XRCC4: variants seen among roughly 807,000 people sequenced by gnomAD.
XRCC4 encodes the protein X-ray repair cross complementing 4.
A neutral mutation model predicts 39.1 loss-of-function variants in XRCC4; 28 were observed. The ratio of observed to expected loss-of-function variants is 0.72; its 90% CI spans 0.53 to 0.98. The LOEUF is 0.98. Among genes scored for constraint, XRCC4 ranks in the 50% least tolerant of loss-of-function variants. The pLI is 0.00. For synonymous variants in XRCC4, 123 were observed against 126.4 expected (o/e 0.97, Z 0.18); for missense variants, 350 against 376.4 (o/e 0.93, Z 0.58).
chr5:83,297,215 G>A, intron 7 of XRCC4, among the ~76,000 whole-genome samples: 1 of 151,980 alleles, frequency 6.6e-6, no homozygotes. Flanking sequence ...TAAATATTAT[G>A]TAACAGATCA....
intron 2 of XRCC4, 131 bp from the exon 3 acceptor site, chr5:83,110,897 G>C: frequency 1.2e-6 from 1 of 823,678 alleles, no homozygotes; most frequent in Non-Finnish European, 1.8e-6. Flanking sequence ...AAAATGTGTA[G>C]TATAGGGATT....
intron 3 of XRCC4, among the ~76,000 whole-genome samples, chr5:83,137,813 T>C (rs759727819): frequency 3.9e-5 from 6 of 152,190 alleles, no homozygotes; most frequent in Non-Finnish European, 8.8e-5. Context: ...AAAGTCTTTG[T>C]TGTTAGTATT....
intron 5 of XRCC4, among the ~76,000 whole-genome samples, chr5:83,204,470 G>T (rs1460335967): frequency 6.6e-6 from 1 of 151,916 alleles, no homozygotes; most frequent in African/African-American, 2.4e-5. Context: ...AATGAAATGC[G>T]AACTGTTCTG....
At chr5:83,201,176 A>G (rs1246850018) in intron 4 of XRCC4, 11 of 152,218 alleles carry the variant, frequency 7.2e-5, no homozygotes, top group Admixed American at 6.5e-4. Flanking sequence ...TAAGATGTCA[A>G]TATTAGCCAT....
At chr5:83,107,948 G>C (rs1390410479) in intron 2 of XRCC4, among the ~76,000 whole-genome samples, 1 of 151,826 alleles carries the variant, frequency 6.6e-6, no homozygotes, top group Non-Finnish European at 1.5e-5. Flanking sequence ...ACAAGCTTAG[G>C]ATGTGTGCAG....
chr5:83,313,628 G>A (rs1755782352), intron 7 of XRCC4, among the ~76,000 whole-genome samples: 1 of 152,006 alleles, frequency 6.6e-6, no homozygotes, highest in Non-Finnish European at 1.5e-5. Context: ...CTCCAGCCAC[G>A]CCAATCTCTT....
At chr5:83,118,492 G>A (rs904533070) in intron 3 of XRCC4, among the ~76,000 whole-genome samples, 6 of 152,108 alleles carry the variant, frequency 3.9e-5, no homozygotes, top group Non-Finnish European at 7.4e-5. Context: ...TTAACAGGTA[G>A]TTTTTATTTC....
intron 7 of XRCC4, among the ~76,000 whole-genome samples, chr5:83,293,214 A>G (rs1047151881): frequency 9.2e-5 from 14 of 151,820 alleles, no homozygotes; most frequent in Admixed American, 3.3e-4. Context: ...TGCCAGTCAT[A>G]TTTCTCTTAT....
At chr5:83,144,409 C>G (rs879623938) in intron 3 of XRCC4, among the ~76,000 whole-genome samples, 3 of 151,956 alleles carry the variant, frequency 2.0e-5, no homozygotes, top group Non-Finnish European at 2.9e-5. Context: ...AATATCCTTA[C>G]AAACTTCACC....
At chr5:83,230,062 T>G (rs1752440948) in intron 6 of XRCC4, among the ~76,000 whole-genome samples, 1 of 151,992 alleles carries the variant, frequency 6.6e-6, no homozygotes, top group African/African-American at 2.4e-5. Context: ...TTTTATCTTT[T>G]CTTTTTATTG....
chr5:83,226,637 G>A (rs1561417205), intron 6 of XRCC4, among the ~76,000 whole-genome samples: 1 of 152,088 alleles, frequency 6.6e-6, no homozygotes, highest in Non-Finnish European at 1.5e-5. Context: ...CTGGATGTTG[G>A]GGATTTCTTT....
intron 3 of XRCC4, among the ~76,000 whole-genome samples, chr5:83,186,902 G>A (rs1750465833): frequency 1.3e-5 from 2 of 151,410 alleles, no homozygotes; most frequent in African/African-American, 2.4e-5. Flanking sequence ...CCCGTTTCTA[G>A]AAACCACATA....
At chr5:83,320,484 T>A (rs147232759) in intron 7 of XRCC4, among the ~76,000 whole-genome samples, 1,775 of 152,118 alleles carry the variant, frequency 0.012, 21 homozygotes, top group Middle Eastern at 0.031. Flanking sequence ...TAAACTTAGT[T>A]CATAAAGCAG....
intron 6 of XRCC4, among the ~76,000 whole-genome samples, chr5:83,245,561 CT>C (rs1178473296): frequency 2.6e-5 from 4 of 151,914 alleles, no homozygotes; most frequent in African/African-American, 9.7e-5. Context: ...AGAAAGATTA[CT>C]TTTTGAATAA....
intron 7 of XRCC4, among the ~76,000 whole-genome samples, chr5:83,347,912 G>T (rs1756964313): frequency 6.6e-6 from 1 of 152,184 alleles, no homozygotes; most frequent in Admixed American, 6.5e-5. Context: ...CTAAGTGAGA[G>T]AAATTGGCTA....
chr5:83,327,629 G>A (rs770284902), intron 7 of XRCC4, among the ~76,000 whole-genome samples: 16 of 151,844 alleles, frequency 1.1e-4, no homozygotes, highest in Non-Finnish European at 2.1e-4. Flanking sequence ...ACAATTATTT[G>A]TCAATCAGTT....
At chr5:83,223,792 A>G (rs1231808459) in intron 6 of XRCC4, among the ~76,000 whole-genome samples, 3 of 149,812 alleles carry the variant, frequency 2.0e-5, no homozygotes, top group Admixed American at 2.0e-4. Context: ...TTAACTCGTC[A>G]TTTACATTAG....
chr5:83,296,438 A>ATTTC (rs941363318), intron 7 of XRCC4, among the ~76,000 whole-genome samples: 1 of 152,156 alleles, frequency 6.6e-6, no homozygotes, highest in Non-Finnish European at 1.5e-5. Context: ...AGAAATAAGA[A>ATTTC]TTTCTTTGAC....
chr5:83,354,790 C>T (rs1286775989), downstream of XRCC4, among the ~76,000 whole-genome samples: 1 of 152,130 alleles, frequency 6.6e-6, no homozygotes, highest in Non-Finnish European at 1.5e-5. Flanking sequence ...TCTCCTTGCA[C>T]ATCCTGTTAT....
Sources: allele counts gnomAD v4.1 joint callset (sites outside exome capture counted in the v4.1 genomes callset), GRCh38; gene constraint gnomAD v4.1.1; transcripts MANE v1.5; gene names NCBI Gene and HGNC (gene_info 2026-07-23, HGNC 2026-07-21).